Variants in USH2A observed in about 807,000 individuals in gnomAD.
USH2A encodes the protein usherin, also known as Usher syndrome 2A (autosomal recessive, mild).
USH2A carries 443 observed loss-of-function variants against 538.9 expected under a neutral mutation model. The ratio of observed to expected loss-of-function variants is 0.82; its 90% CI spans 0.76 to 0.89. USH2A has a LOEUF of 0.89. USH2A is among the 40% of genes least tolerant of loss of function. USH2A has a pLI of 0.00. For synonymous variants in USH2A, 2,413 were observed against 2,273.5 expected (o/e 1.06, Z -1.75); for missense variants, 6,633 against 6,324.8 (o/e 1.05, Z -1.65).
chr1:216,259,982 G>A (rs1032377915), intron 11 of USH2A, among the ~76,000 whole-genome samples: 6 of 152,044 alleles, frequency 3.9e-5, no homozygotes, highest in African/African-American at 1.2e-4. Flanking sequence ...TGCAGTACGA[G>A]TGCAGGCTGA....
At chr1:215,697,981 C>T (rs1283357967) in intron 61 of USH2A, among the ~76,000 whole-genome samples, 2 of 152,144 alleles carry the variant, frequency 1.3e-5, no homozygotes, top group Admixed American at 1.3e-4. Context: ...TCCTCTTTCT[C>T]CCCAGCCCCT....
chr1:216,325,726 G>C, intron 5 of USH2A, 127 bp from the exon 6 acceptor site: 1 of 892,022 alleles, frequency 1.1e-6, no homozygotes, highest in Non-Finnish European at 1.6e-6. Flanking sequence ...TTAATAATTT[G>C]ATGCATGAAA....
At chr1:215,745,599 C>T (rs896687941) in intron 58 of USH2A, among the ~76,000 whole-genome samples, 6 of 152,134 alleles carry the variant, frequency 3.9e-5, no homozygotes, top group African/African-American at 1.4e-4. Context: ...AATGAACGAA[C>T]CCTCAAGACA....
intron 34 of USH2A, among the ~76,000 whole-genome samples, chr1:215,995,216 G>A (rs1287097249): frequency 6.6e-6 from 1 of 152,090 alleles, no homozygotes; most frequent in East Asian, 1.9e-4. Context: ...TCTAGGATAA[G>A]TAAAAGCATC....
chr1:216,125,453 A>G (rs563791468), intron 21 of USH2A, among the ~76,000 whole-genome samples: 1 of 152,324 alleles, frequency 6.6e-6, no homozygotes, highest in African/African-American at 2.4e-5. Context: ...ATGCATGCAT[A>G]AAGAAAATTA....
chr1:215,854,215 C>T (rs1664096119), intron 44 of USH2A, among the ~76,000 whole-genome samples: 1 of 152,104 alleles, frequency 6.6e-6, no homozygotes, highest in Non-Finnish European at 1.5e-5. Flanking sequence ...AGAGTTTGTG[C>T]AGGGAAACTC....
intron 19 of USH2A, among the ~76,000 whole-genome samples, chr1:216,195,389 CAGAAT>C (rs1350997559): frequency 2.0e-5 from 3 of 152,082 alleles, no homozygotes; most frequent in African/African-American, 7.2e-5. Flanking sequence ...GGAAAAAAAG[CAGAAT>C]TTAGTTTACA....
chr1:215,624,798 G>T lies in USH2A; in HGVS notation c.*983C>A, dbSNP rs990107690. 2 of 152,178 alleles carry T rather than the reference G, an allele frequency of 1.3e-5. No individual in the cohort carries two copies. The highest frequency in any genetic ancestry group is 2.9e-5 in the Non-Finnish European group (2 of 68,002). The allele number at this position is 152,178 out of a possible 1,614,324, so 9.4% of individuals were successfully genotyped here. A position where few individuals can be genotyped will look rare whatever the true frequency, so the allele number is the denominator to read the frequency against. On this transcript the variant is annotated 3_prime_UTR_variant, in exon 72 of 72. Transcript: ENST00000307340. Reference sequence around the variant, plus strand: ...ATGATATACATATATATACACATAGGTATAGTCTTGTCTCTACATGTATAT... The same window carrying T: ...ATGATATACATATATATACACATAGTTATAGTCTTGTCTCTACATGTATAT...
In USH2A at chr1:216,065,071, T is replaced by C. The variant is rs148451158; in HGVS notation, c.6049+5030A>G. ...TTCCCTTAGTTTGTGACAAATTTGATATATAAAAATAAATAACAATTGCTC... is the reference window on the plus strand; with the variant it reads ...TTCCCTTAGTTTGTGACAAATTTGACATATAAAAATAAATAACAATTGCTC... On this transcript the variant is annotated intron_variant, in intron 30 of 71. Coordinates refer to ENST00000307340, the MANE Select transcript of USH2A (RefSeq NM_206933.4). 2.0e-3 allele frequency among the ~76,000 whole-genome samples: 312 copies of C among 152,354 alleles called. 2 individuals carry two copies. The highest frequency in any genetic ancestry group is 6.8e-3 in the African/African-American group (282 of 41,586).
chr1:216,239,634 T>C (rs1348030611), intron 13 of USH2A, among the ~76,000 whole-genome samples: 1 of 151,980 alleles, frequency 6.6e-6, no homozygotes, highest in African/African-American at 2.4e-5. Flanking sequence ...GAAAAGCAAA[T>C]GGAAGGTGGA....
Position 216,045,556 on chromosome 1 carries a change from AACT to A in USH2A, c.6325+872_6325+874del, listed in dbSNP as rs548125160. ...AATTACTGTCAATGGCAAAAACCAC[AACT>A]ACTTTTGCACCACTCTAATAGCTCA... On this transcript the variant is annotated intron_variant, in intron 32 of 71. Transcript: ENST00000307340. Among the ~76,000 whole-genome samples the A allele has an allele frequency of 9.9e-5, 15 of 152,284 alleles. No individual in the cohort carries two copies. In the South Asian group the frequency reaches 3.1e-3, roughly 32 times the overall value.
At chr1:215,942,654 G>A (rs957720570) in intron 37 of USH2A, among the ~76,000 whole-genome samples, 1 of 152,054 alleles carries the variant, frequency 6.6e-6, no homozygotes, top group Non-Finnish European at 1.5e-5. Context: ...AGGTACAAAT[G>A]TATAAAGGAA....
chr1:215,797,096 G>T (rs926546959), intron 50 of USH2A, among the ~76,000 whole-genome samples: 1 of 152,102 alleles, frequency 6.6e-6, no homozygotes, highest in Non-Finnish European at 1.5e-5. Flanking sequence ...CACTTTGAGT[G>T]GTCTGGATAG....
chr1:216,034,618 T>C (rs144396319), intron 32 of USH2A, among the ~76,000 whole-genome samples: 3 of 152,196 alleles, frequency 2.0e-5, no homozygotes, highest in Non-Finnish European at 2.9e-5. Context: ...GAAAACACTA[T>C]GTAATGATAC....
chr1:215,941,003 C>T (rs896509075), intron 37 of USH2A, among the ~76,000 whole-genome samples: 6 of 152,046 alleles, frequency 3.9e-5, no homozygotes, highest in African/African-American at 1.2e-4. Context: ...GGCACAATTA[C>T]TGTTCTAAAT....
At chr1:215,644,836 G>A (rs1010773797) in intron 67 of USH2A, among the ~76,000 whole-genome samples, 1 of 152,220 alleles carries the variant, frequency 6.6e-6, no homozygotes, top group Non-Finnish European at 1.5e-5. Flanking sequence ...AAGTTTTGCT[G>A]TCAGAGAGAG....
At chr1:216,025,672 A>G (rs1029963193) in intron 32 of USH2A, among the ~76,000 whole-genome samples, 1 of 152,072 alleles carries the variant, frequency 6.6e-6, no homozygotes, top group African/African-American at 2.4e-5. Context: ...AGTTCAGTTT[A>G]CAGTAAAGGT....
chr1:216,275,394 T>C (rs1280777546), intron 11 of USH2A, among the ~76,000 whole-genome samples: 1 of 152,124 alleles, frequency 6.6e-6, no homozygotes, highest in Non-Finnish European at 1.5e-5. Context: ...CTAACGTGAA[T>C]AAATGTATTT....
chr1:216,190,330 G>A lies in USH2A; in HGVS notation c.4289C>T (p.Thr1430Ile). The A allele has an allele frequency of 6.2e-7, 1 of 1,612,184 alleles. No homozygotes were observed. Among genetic ancestry groups the A allele is most frequent in the South Asian group, 1.1e-5 (1 of 91,060 alleles). ...HTAKSQELSYTVEGLKPYRIY... is the reference protein window; with the variant it reads ...HTAKSQELSYIVEGLKPYRIY... ...CCTATAAGGTTTCAGTCCTTCTACA[G>A]TGTAAGATAGTTCTTGGGATTTAGC... The change falls in exon 20 of 72, where the codon ACT becomes ATT. Residue 1430 changes from threonine (T) to isoleucine (I), a missense_variant. Coordinates refer to ENST00000307340, the MANE Select transcript of USH2A (RefSeq NM_206933.4).
Sources: allele counts gnomAD v4.1 joint callset (sites outside exome capture counted in the v4.1 genomes callset), GRCh38; gene constraint gnomAD v4.1.1; transcripts MANE v1.5; gene names NCBI Gene and HGNC (gene_info 2026-07-23, HGNC 2026-07-21).